NBAS: variants seen among roughly 807,000 people sequenced by gnomAD.
NBAS encodes NBAS subunit of NRZ tethering complex, also known as NAG/BC035112 fusion.
Under a neutral mutation model 302.5 loss-of-function variants are expected in NBAS, and 219 were observed. The observed-to-expected ratio is 0.72, with a 90% CI of 0.65 to 0.81. The LOEUF (loss-of-function observed/expected upper bound fraction) is 0.81, where lower values mean the gene tolerates loss of function less well. NBAS is among the 30% of genes least tolerant of loss of function. NBAS has a pLI of 0.00. For synonymous variants in NBAS, 1,118 were observed against 1,021.6 expected (o/e 1.09, Z -1.80); for missense variants, 2,932 against 2,841.6 (o/e 1.03, Z -0.72).
intron 27 of NBAS, among the ~76,000 whole-genome samples, chr2:15,396,100 A>G (rs1389880720): frequency 1.3e-5 from 2 of 152,182 alleles, no homozygotes; most frequent in Admixed American, 6.5e-5. Flanking sequence ...TAAATGCTTA[A>G]TCTAATATTG....
chr2:14,944,945 G>A, the NBAS span, among the ~76,000 whole-genome samples: 1 of 152,192 alleles, frequency 6.6e-6, no homozygotes, highest in Non-Finnish European at 1.5e-5. Flanking sequence ...CGTAATGCAG[G>A]AGAAGCATCA....
chr2:15,001,313 C>T, the NBAS span, among the ~76,000 whole-genome samples: 15 of 152,148 alleles, frequency 9.9e-5, no homozygotes, highest in African/African-American at 3.4e-4. Flanking sequence ...ATGTTATACA[C>T]ACACACAGCT....
chr2:15,532,288 A>G lies in NBAS; in HGVS notation c.746+2255T>C, dbSNP rs113603344. On this transcript the variant is annotated intron_variant, in intron 9 of 51. Coordinates refer to ENST00000281513, the MANE Select transcript of NBAS (RefSeq NM_015909.4). ...GCGGATCACGAGGTCAGGAGATCGA[A>G]ACCATCCTGGCTAACATGGTGAAAC... 9.9e-3 allele frequency among the ~76,000 whole-genome samples: 1,507 copies of G among 151,832 alleles called. 17 individuals are homozygous for G. The highest frequency in any genetic ancestry group is 0.031 in the African/African-American group (1,290 of 41,412).
intron 48 of NBAS, among the ~76,000 whole-genome samples, chr2:15,211,845 C>T (rs557209920): frequency 6.6e-6 from 1 of 152,272 alleles, no homozygotes; most frequent in South Asian, 2.1e-4. Flanking sequence ...AACTAGGACA[C>T]ATTAAGGCCA....
chr2:15,412,895 G>A lies in NBAS; in HGVS notation c.2937+2651C>T, dbSNP rs114736524. Reference sequence around the variant, plus strand: ...GACAGCTAATTACTTCTACATAAACGCTTGCCTGTTTCAAAAACTATCCCA... The same window carrying A: ...GACAGCTAATTACTTCTACATAAACACTTGCCTGTTTCAAAAACTATCCCA... On this transcript the variant is annotated intron_variant, in intron 25 of 51. Transcript: ENST00000281513. 6.8e-3 allele frequency among the ~76,000 whole-genome samples: 1,031 copies of A among 152,110 alleles called. 12 individuals are homozygous for A. Among genetic ancestry groups the A allele is most frequent in the African/African-American group, 0.022 (928 of 41,480 alleles).
chr2:15,557,226 G>C lies in NBAS; in HGVS notation c.173-407C>G, dbSNP rs529522257. ...CTTTATAGCAAAGATTTTTAAAACA[G>C]TAATACCTAAAATGGGAAAGCCCAC... is the stretch of plus-strand genomic sequence containing the variant. On this transcript the variant is annotated intron_variant, in intron 2 of 51. Coordinates refer to ENST00000281513, the MANE Select transcript of NBAS (RefSeq NM_015909.4). Among the ~76,000 whole-genome samples, 3 of 152,202 alleles carry C rather than the reference G, an allele frequency of 2.0e-5. No homozygotes were observed. In the East Asian group the frequency reaches 5.8e-4, roughly 29 times the overall value.
intron 44 of NBAS, among the ~76,000 whole-genome samples, chr2:15,258,250 T>C (rs1439391307): frequency 4.6e-5 from 7 of 152,186 alleles, no homozygotes; most frequent in African/African-American, 1.7e-4. Flanking sequence ...ACTGTGATGA[T>C]TGCGTTAACT....
chr2:15,183,075 A>G (rs1379840903), intron 50 of NBAS, among the ~76,000 whole-genome samples: 1 of 152,196 alleles, frequency 6.6e-6, no homozygotes, highest in African/African-American at 2.4e-5. Flanking sequence ...GTAACAGATA[A>G]TTTTACCACC....
the NBAS span, among the ~76,000 whole-genome samples, chr2:14,926,853 G>A: frequency 2.0e-5 from 3 of 152,182 alleles, no homozygotes; most frequent in South Asian, 2.1e-4. Context: ...TCATCTAAGC[G>A]TGTGATGGTT....
At chr2:15,370,069 C>A (rs6754327) in intron 31 of NBAS, among the ~76,000 whole-genome samples, 2 of 152,182 alleles carry the variant, frequency 1.3e-5, no homozygotes, top group African/African-American at 4.8e-5. Flanking sequence ...AGTAGGAGGA[C>A]AAGTAAGAGT....
chr2:15,511,900 CAACAGGGCA>C (rs1662161905), intron 9 of NBAS, among the ~76,000 whole-genome samples: 2 of 152,134 alleles, frequency 1.3e-5, no homozygotes, highest in Admixed American at 6.5e-5. Flanking sequence ...GGCCAGTTAC[CAACAGGGCA>C]AACAGCCTAA....
chr2:14,851,402 G>A, the NBAS span, among the ~76,000 whole-genome samples: 37 of 151,984 alleles, frequency 2.4e-4, no homozygotes, highest in African/African-American at 7.8e-4. Flanking sequence ...TCTCTGAATA[G>A]ACTAAAAACA....
At chr2:14,872,841 C>A in the NBAS span, among the ~76,000 whole-genome samples, 1 of 151,760 alleles carries the variant, frequency 6.6e-6, no homozygotes, top group Non-Finnish European at 1.5e-5. Flanking sequence ...TCGTGGTGAG[C>A]GTCTTACAGC....
chr2:15,176,742 T>G (rs183436411), intron 51 of NBAS, among the ~76,000 whole-genome samples: 2 of 152,324 alleles, frequency 1.3e-5, no homozygotes, highest in African/African-American at 4.8e-5. Context: ...TGTTCAAAAG[T>G]GTTGAATTTG....
chr2:14,876,008 T>A, the NBAS span, among the ~76,000 whole-genome samples: 18 of 152,372 alleles, frequency 1.2e-4, no homozygotes, highest in African/African-American at 4.3e-4. Flanking sequence ...TTTTGTACAG[T>A]CACACAGGTA....
Position 15,217,952 on chromosome 2 carries a change from T to A in NBAS, c.6432+821A>T, listed in dbSNP as rs1396494550. 5.3e-5 allele frequency among the ~76,000 whole-genome samples: 8 copies of A among 152,274 alleles called. No homozygotes were observed. In the East Asian group the frequency reaches 1.5e-3, roughly 29 times the overall value. On this transcript the variant is annotated intron_variant, in intron 48 of 51. Coordinates refer to ENST00000281513, the MANE Select transcript of NBAS (RefSeq NM_015909.4). The stretch of plus-strand genomic sequence containing the variant: ...GTGGAATTCAAGGTTCCATTAAGCT[T>A]GCAATGGTTAGAGAAGGTTCCAGAG...
intron 9 of NBAS, among the ~76,000 whole-genome samples, chr2:15,530,547 A>T (rs1572975851): frequency 6.6e-6 from 1 of 152,106 alleles, no homozygotes; most frequent in East Asian, 1.9e-4. Flanking sequence ...TTTATAAAAG[A>T]TCTCAAAAAG....
Position 15,327,629 on chromosome 2 carries a change from T to C in NBAS, c.4582+121A>G, listed in dbSNP as rs189032699. Reference sequence around the variant, plus strand: ...TGAATGAACGAATGATGATGTCAAGTTATGCAATTCAAAATTACTGAAAAA... The same window carrying C: ...TGAATGAACGAATGATGATGTCAAGCTATGCAATTCAAAATTACTGAAAAA... On this transcript the variant is annotated intron_variant, in intron 38 of 51. Coordinates refer to ENST00000281513, the MANE Select transcript of NBAS (RefSeq NM_015909.4). 1,599 of 1,172,452 alleles carry C rather than the reference T, an allele frequency of 1.4e-3. 1 individual carries two copies. The highest frequency in any genetic ancestry group is 1.7e-3 in the Non-Finnish European group (1,368 of 798,936). 72.6% of individuals were successfully genotyped at this position (1,172,452 alleles called of 1,614,324 possible). A position where few individuals can be genotyped will look rare whatever the true frequency, so the allele number is the denominator to read the frequency against.
chr2:15,353,498 C>T (rs1458520063), intron 34 of NBAS, 55 bp downstream of exon 34: 17 of 1,603,430 alleles, frequency 1.1e-5, no homozygotes, highest in Non-Finnish European at 1.0e-5. Context: ...CAGATACACA[C>T]ACCCAACAAC....
Sources: allele counts gnomAD v4.1 joint callset (sites outside exome capture counted in the v4.1 genomes callset), GRCh38; gene constraint gnomAD v4.1.1; transcripts MANE v1.5; gene names NCBI Gene and HGNC (gene_info 2026-07-23, HGNC 2026-07-21).